BACH1: variants seen among roughly 807,000 people sequenced by gnomAD.
BACH1 encodes the protein BTB domain and CNC homolog 1.
BACH1 carries 35 observed loss-of-function variants against 52.9 expected under a neutral mutation model. The ratio of observed to expected loss-of-function variants is 0.66; its 90% confidence interval spans 0.51 to 0.88. BACH1 has a LOEUF of 0.88. Ranked by LOEUF, BACH1 falls within the 40% of genes least tolerant of loss-of-function variation. The pLI, the probability that BACH1 is intolerant of heterozygous loss-of-function variation, is 0.00. For missense variants in BACH1, 808 were observed against 872.6 expected, an observed-to-expected ratio of 0.93 and a Z score of 0.93; for synonymous variants, 321 against 319.6, an observed-to-expected ratio of 1.00 and a Z score of -0.05.
intron 4 of BACH1, among the ~76,000 whole-genome samples, chr21:29,340,036 C>T (rs796656548): frequency 3.3e-5 from 5 of 152,068 alleles, no homozygotes; most frequent in Admixed American, 6.5e-5. Context: ...GCACTTCAAA[C>T]GTGATTTATA....
chr21:29,339,662 T>G (rs1363266296), intron 4 of BACH1, among the ~76,000 whole-genome samples: 2 of 150,110 alleles, frequency 1.3e-5, no homozygotes, highest in Non-Finnish European at 3.0e-5. Context: ...AGACAGAGTC[T>G]TGCTCTGTCA....
chr21:29,323,390 C>G (rs759585215), intron 2 of BACH1, among the ~76,000 whole-genome samples: 2 of 152,134 alleles, frequency 1.3e-5, no homozygotes, highest in East Asian at 3.9e-4. Context: ...GCCAAAGGCC[C>G]AAGAGCCCTC....
At chr21:29,313,650 A>G (rs1331511253) in intron 1 of BACH1, among the ~76,000 whole-genome samples, 1 of 152,246 alleles carries the variant, frequency 6.6e-6, no homozygotes, top group South Asian at 2.1e-4. Context: ...ATGCAACAAC[A>G]TGAATGAACC....
At chr21:29,349,148 A>G (rs2089188455), downstream of BACH1, among the ~76,000 whole-genome samples, 1 of 152,042 alleles carries the variant, frequency 6.6e-6, no homozygotes, top group African/African-American at 2.4e-5. Flanking sequence ...AGAATCAACT[A>G]CAGATGAACC....
intron 4 of BACH1, 69 bp downstream of exon 4, chr21:29,329,762 T>A: frequency 8.2e-7 from 1 of 1,222,464 alleles, no homozygotes; most frequent in Non-Finnish European, 1.1e-6. Context: ...AAATAGTTTT[T>A]AAATTTCTAG....
At chr21:29,334,309 A>G (rs1326945339) in intron 4 of BACH1, among the ~76,000 whole-genome samples, 1 of 151,682 alleles carries the variant, frequency 6.6e-6, no homozygotes, top group Non-Finnish European at 1.5e-5. Flanking sequence ...TGTGTTAGCC[A>G]GGATGGTCTT....
intron 4 of BACH1, among the ~76,000 whole-genome samples, chr21:29,331,888 A>G (rs1049940724): frequency 6.6e-6 from 1 of 152,090 alleles, no homozygotes; most frequent in African/African-American, 2.4e-5. Context: ...TTTTTAAAAA[A>G]TTTTATTTGG....
At chr21:29,356,102 A>T (rs2089233031) in intron 2 of BACH1, among the ~76,000 whole-genome samples, 2 of 152,212 alleles carry the variant, frequency 1.3e-5, no homozygotes, top group African/African-American at 2.4e-5. Flanking sequence ...TGGTAGTAGG[A>T]TAATGAAGTG....
intron 1 of BACH1, among the ~76,000 whole-genome samples, chr21:29,307,329 C>T (rs1211419109): frequency 6.6e-6 from 1 of 152,144 alleles, no homozygotes; most frequent in Admixed American, 6.5e-5. Flanking sequence ...GTACTCCTAA[C>T]TTTTCTGTTT....
intron 2 of BACH1, among the ~76,000 whole-genome samples, chr21:29,356,204 GA>G (rs1486021943): frequency 1.3e-5 from 2 of 152,196 alleles, no homozygotes; most frequent in Non-Finnish European, 2.9e-5. Context: ...TGACGGACTT[GA>G]GCTTTGAGGG....
rs144759223 is a variant in BACH1 at position 29,320,600 on chromosome 21, C to A, written c.-60-621C>A. Among the ~76,000 whole-genome samples, 76 of 152,264 alleles carry A rather than the reference C, an allele frequency of 5.0e-4. 1 individual carries two copies. Among genetic ancestry groups the A allele is most frequent in the African/African-American group, 1.8e-3 (76 of 41,550 alleles). On this transcript the variant is annotated intron_variant, in intron 1 of 4. Transcript: ENST00000286800. The stretch of plus-strand genomic sequence containing the variant: ...TATTTGTAGTGTGAAGTAAATCTTA[C>A]TGTATAAAAAGACTTACTACCAAGA...
At chr21:29,361,284 T>C (rs984360717) in intron 2 of BACH1, 1 of 152,102 alleles carries the variant, frequency 6.6e-6, no homozygotes, top group Non-Finnish European at 1.5e-5. Flanking sequence ...TTGCAGATGT[T>C]TTTGCACCTG....
At chr21:29,303,071 C>T (rs967672886) in intron 1 of BACH1, among the ~76,000 whole-genome samples, 2 of 152,156 alleles carry the variant, frequency 1.3e-5, no homozygotes, top group South Asian at 2.1e-4. Context: ...CTTGTTAATA[C>T]CAGAACAGAA....
At chr21:29,324,158 A>G (rs1013123458) in intron 2 of BACH1, among the ~76,000 whole-genome samples, 1 of 150,072 alleles carries the variant, frequency 6.7e-6, no homozygotes, top group African/African-American at 2.5e-5. Context: ...AGACTGAGGC[A>G]GGAGAATCAC....
chr21:29,329,793 A>G, intron 4 of BACH1, 100 bp downstream of exon 4: 1 of 868,502 alleles, frequency 1.2e-6, no homozygotes, highest in Non-Finnish European at 1.7e-6. Flanking sequence ...ATGCTCAATT[A>G]CTTATTTTAA....
At chr21:29,320,476 A>C (rs1265000862) in intron 1 of BACH1, among the ~76,000 whole-genome samples, 1 of 152,216 alleles carries the variant, frequency 6.6e-6, no homozygotes, top group East Asian at 1.9e-4. Flanking sequence ...ATTATATGTT[A>C]GTATGTATTT....
chr21:29,328,889 T>C (rs76798694), intron 3 of BACH1, among the ~76,000 whole-genome samples: 1,566 of 152,346 alleles, frequency 0.01, 48 homozygotes, highest in African/African-American at 0.036. Context: ...TTTCCTTCTT[T>C]TTATCAGGCT....
intron 1 of BACH1, among the ~76,000 whole-genome samples, chr21:29,310,242 A>G (rs546552193): frequency 2.0e-5 from 3 of 152,244 alleles, no homozygotes; most frequent in East Asian, 1.9e-4. Context: ...ATTGTGAACT[A>G]TCTTTTTAAC....
In BACH1 at chr21:29,345,308, C is replaced by A. The variant is rs2089157894; in HGVS notation, c.*2475C>A. The A allele has an allele frequency of 6.6e-6, 1 of 152,406 alleles. No homozygotes were observed. Among genetic ancestry groups the A allele is most frequent in the Non-Finnish European group, 1.5e-5 (1 of 67,982 alleles). The allele number at this position is 152,406 out of a possible 1,614,324, so 9.4% of individuals were successfully genotyped here. A position where few individuals can be genotyped will look rare whatever the true frequency, so the allele number is the denominator to read the frequency against. On this transcript the variant is annotated 3_prime_UTR_variant, in exon 5 of 5. Coordinates refer to ENST00000286800, the MANE Select transcript of BACH1 (RefSeq NM_001186.4). ...TTTCAAGGCAATATTTTTTTTGAGG[C>A]TGCCGAAGACAAATGACAGGATTAT...
Sources: allele counts gnomAD v4.1 joint callset (sites outside exome capture counted in the v4.1 genomes callset), GRCh38; gene constraint gnomAD v4.1.1; transcripts MANE v1.5; gene names NCBI Gene and HGNC (gene_info 2026-07-23, HGNC 2026-07-21).